The following EBF2 variants were observed in gnomAD, a reference collection of about 807,000 sequenced individuals.
EBF2 encodes the protein transcription factor COE2.
EBF2 carries 21 observed loss-of-function variants against 72.8 expected under a neutral mutation model. The observed-to-expected ratio is 0.29, with a 90% confidence interval of 0.20 to 0.42. The LOEUF is 0.42. Among genes scored for constraint, EBF2 ranks in the 10% least tolerant of loss-of-function variants. The pLI is 1.00. For missense variants in EBF2, 637 were observed against 731.2 expected (o/e 0.87, Z 1.49); for synonymous variants, 299 against 274.2 (o/e 1.09, Z -0.89).
Position 26,040,227 on chromosome 8 carries a change from C to A in EBF2, c.409-126G>T, listed in dbSNP as rs1463548277. The A allele has an allele frequency of 1.1e-5, 11 of 1,013,400 alleles. No individual in the cohort carries two copies. The Admixed American group carries it at 2.2e-4, about 20-fold the overall frequency. 62.8% of individuals were successfully genotyped at this position (1,013,400 alleles called of 1,614,324 possible). A position where few individuals can be genotyped will look rare whatever the true frequency, so the allele number is the denominator to read the frequency against. On this transcript the variant is annotated intron_variant, in intron 4 of 15. Coordinates refer to ENST00000520164, the MANE Select transcript of EBF2 (RefSeq NM_022659.4). Reference sequence around the variant, plus strand: ...TACCTGCCACCGCATTAGGAATTCCCGCCCGCAGCACATTCTGCGCGGTTG... The same window carrying A: ...TACCTGCCACCGCATTAGGAATTCCAGCCCGCAGCACATTCTGCGCGGTTG...
chr8:25,943,794 A>G (rs983352371), intron 6 of EBF2, among the ~76,000 whole-genome samples: 1 of 152,120 alleles, frequency 6.6e-6, no homozygotes, highest in Non-Finnish European at 1.5e-5. Flanking sequence ...AAACACTATC[A>G]AAGGGGCTTA....
intron 6 of EBF2, among the ~76,000 whole-genome samples, chr8:26,010,032 C>T (rs944600148): frequency 6.6e-6 from 1 of 152,152 alleles, no homozygotes; most frequent in Non-Finnish European, 1.5e-5. Context: ...AGAAACTTTG[C>T]TTTTATAAAT....
rs1183390975 is a variant in EBF2, at chr8:25,859,734, T to TTTTTTTTTTTTTTTTTG, written c.1343-1231_1343-1230insCAAAAAAAAAAAAAAAA. On this transcript the variant is annotated intron_variant, in intron 13 of 15. Coordinates refer to ENST00000520164, the MANE Select transcript of EBF2 (RefSeq NM_022659.4). ...GTCCTGTCTAGTCTTTTTTTTTTTTTGAGACAAGATCTCACTCTGTTGCCC... is the reference window on the plus strand; with the variant it reads ...GTCCTGTCTAGTCTTTTTTTTTTTTTTTTTTTTTTTTTTTTTGGAGACAAGATCTCACTCTGTTGCCC... Among the ~76,000 whole-genome samples, 314 of 151,066 alleles carry TTTTTTTTTTTTTTTTTG rather than the reference T, an allele frequency of 2.1e-3. 1 individual carries two copies. The highest frequency in any genetic ancestry group is 7.2e-3 in the African/African-American group (294 of 40,564).
rs932044678 is a variant in EBF2 at position 26,044,277 on chromosome 8, C to T, written c.131+452G>A. Among the ~76,000 whole-genome samples the T allele has an allele frequency of 6.6e-6, 1 of 152,170 alleles. No individual in the cohort carries two copies. The highest frequency in any genetic ancestry group is 1.5e-5 in the Non-Finnish European group (1 of 68,022). ...CGGCCTCCCAGGCTCCAGGAATCGCCCAGCAAGATGCGGGAGGTAGGCGCT... is the reference window on the plus strand; with the variant it reads ...CGGCCTCCCAGGCTCCAGGAATCGCTCAGCAAGATGCGGGAGGTAGGCGCT... On this transcript the variant is annotated intron_variant, in intron 1 of 15. Coordinates refer to ENST00000520164, the MANE Select transcript of EBF2 (RefSeq NM_022659.4). This position sits in a 1 kb window ranked among gnomAD's most constrained non-coding sequence, Gnocchi z 4.1.
intron 10 of EBF2, among the ~76,000 whole-genome samples, chr8:25,867,102 C>T (rs1309070530): frequency 6.6e-6 from 1 of 152,098 alleles, no homozygotes; most frequent in Non-Finnish European, 1.5e-5. Flanking sequence ...AATCAAGTTA[C>T]TAAGAACAGT....
At chr8:26,023,663 T>A (rs1306045575) in intron 6 of EBF2, among the ~76,000 whole-genome samples, 3 of 152,122 alleles carry the variant, frequency 2.0e-5, no homozygotes, top group Admixed American at 2.0e-4. Context: ...AATTCACAGA[T>A]TGCCAGATGG....
At chr8:26,041,309 A>G in intron 2 of EBF2, 1 of 437,630 alleles carries the variant, frequency 2.3e-6, no homozygotes, top group Non-Finnish European at 4.2e-6. Context: ...TTAAACAGGC[A>G]CCACCCAACC....
chr8:26,041,026 T>C (rs1366542032), intron 2 of EBF2, 24 bp from the exon 3 acceptor site: 1 of 1,613,286 alleles, frequency 6.2e-7, no homozygotes, highest in African/African-American at 1.3e-5. Flanking sequence ...CAGCGTTCGA[T>C]TCCCTTGCCT....
At chr8:25,956,952 G>T (rs558907016) in intron 6 of EBF2, among the ~76,000 whole-genome samples, 110 of 152,336 alleles carry the variant, frequency 7.2e-4, no homozygotes, top group African/African-American at 2.6e-3. Context: ...AGGGAAGGAA[G>T]CCAGATTGAC....
At chr8:25,936,398 G>C (rs966412751) in intron 6 of EBF2, among the ~76,000 whole-genome samples, 1 of 152,176 alleles carries the variant, frequency 6.6e-6, no homozygotes, top group Non-Finnish European at 1.5e-5. Context: ...GGCCTTCTCA[G>C]ATTTGTTCCC....
At chr8:25,913,243 C>G (rs112262229) in intron 6 of EBF2, among the ~76,000 whole-genome samples, 339 of 152,146 alleles carry the variant, frequency 2.2e-3, no homozygotes, top group African/African-American at 7.7e-3. Context: ...GAGATCGAGA[C>G]CATCCTGACC....
intron 6 of EBF2, among the ~76,000 whole-genome samples, chr8:25,993,633 C>A (rs567227967): frequency 6.6e-6 from 1 of 152,118 alleles, no homozygotes; most frequent in Non-Finnish European, 1.5e-5. Context: ...ACGCAGCAAC[C>A]GGGGGAAACT....
chr8:25,979,891 C>T (rs1372122241), intron 6 of EBF2, among the ~76,000 whole-genome samples: 1 of 152,102 alleles, frequency 6.6e-6, no homozygotes, highest in Admixed American at 6.5e-5. Context: ...ATAACACCCA[C>T]CCAACCATCC....
intron 6 of EBF2, among the ~76,000 whole-genome samples, chr8:25,924,359 C>T (rs1803351336): frequency 6.6e-6 from 1 of 152,208 alleles, no homozygotes; most frequent in Non-Finnish European, 1.5e-5. Context: ...TGTCTTCCTA[C>T]TCAGTAAAAG....
chr8:25,907,419 CAAAAAAAAAAAAAAAAA>C lies in EBF2; in HGVS notation c.633+1038_633+1054del, dbSNP rs55695734. ...TAGGTGACAGAGTGAGACCCTGCCT[CAAAAAAAAAAAAAAAAA>C]AAAAAAAAAAAAAAAAATTATTCAG... On this transcript the variant is annotated intron_variant, in intron 7 of 15. Coordinates refer to ENST00000520164, the MANE Select transcript of EBF2 (RefSeq NM_022659.4). Among the ~76,000 whole-genome samples, 64 of 28,900 alleles carry C rather than the reference CAAAAAAAAAAAAAAAAA, an allele frequency of 2.2e-3. 1 individual carries two copies. The highest frequency in any genetic ancestry group is 6.2e-3 in the African/African-American group (56 of 9,026). 19.0% of individuals were successfully genotyped at this position (28,900 alleles called of 152,430 possible).
At chr8:26,017,875 G>C (rs1396532614) in intron 6 of EBF2, among the ~76,000 whole-genome samples, 1 of 152,220 alleles carries the variant, frequency 6.6e-6, no homozygotes, top group Non-Finnish European at 1.5e-5. Flanking sequence ...CCCTCAATGA[G>C]CATCCTCCAA....
At chr8:26,003,688 A>G (rs952899842) in intron 6 of EBF2, among the ~76,000 whole-genome samples, 2 of 152,134 alleles carry the variant, frequency 1.3e-5, no homozygotes, top group Non-Finnish European at 2.9e-5. Context: ...TTATGCTTAG[A>G]ACATTGGGCC....
intron 6 of EBF2, among the ~76,000 whole-genome samples, chr8:25,915,376 C>T (rs1803196173): frequency 6.6e-6 from 1 of 151,958 alleles, no homozygotes; most frequent in Non-Finnish European, 1.5e-5. Context: ...TCATTGTCTT[C>T]CTCTTCTGCT....
intron 6 of EBF2, among the ~76,000 whole-genome samples, chr8:25,941,216 T>TA (rs1178718172): frequency 2.0e-5 from 3 of 150,146 alleles, no homozygotes; most frequent in African/African-American, 7.4e-5. Context: ...CCATCTTTTT[T>TA]TTTTTTCGAG....
Sources: allele counts gnomAD v4.1 joint callset (sites outside exome capture counted in the v4.1 genomes callset), GRCh38; gene constraint gnomAD v4.1.1; non-coding constraint Gnocchi (gnomAD v3.1); transcripts MANE v1.5; gene names NCBI Gene and HGNC (gene_info 2026-07-23, HGNC 2026-07-21).